Variants in CTNNA2 observed in about 807,000 individuals in gnomAD.
CTNNA2 encodes the protein catenin alpha-2.
In CTNNA2, 42 loss-of-function variants were observed where a neutral mutation model predicts 101.0. That is an observed-to-expected ratio of 0.42 (90% CI 0.32 to 0.54). The LOEUF (loss-of-function observed/expected upper bound fraction) is 0.54. Ranked by LOEUF, CTNNA2 falls within the 20% of genes least tolerant of loss-of-function variation. The pLI is 0.14. For missense variants in CTNNA2, 871 were observed against 1,223.1 expected, an observed-to-expected ratio of 0.71 and a Z score of 4.29; for synonymous variants, 450 against 456.4, an observed-to-expected ratio of 0.99 and a Z score of 0.18.
At chr2:79,532,173 C>G (rs750731856) in intron 1 of CTNNA2, among the ~76,000 whole-genome samples, 1 of 151,948 alleles carries the variant, frequency 6.6e-6, no homozygotes, top group Admixed American at 6.6e-5. Flanking sequence ...TTTTTAAAAA[C>G]AGTCAGGATT....
intron 2 of CTNNA2, among the ~76,000 whole-genome samples, chr2:79,696,619 C>G (rs543062201): frequency 6.6e-6 from 1 of 152,026 alleles, no homozygotes; most frequent in African/African-American, 2.4e-5. Context: ...CCAGCACTTA[C>G]AATCTCACAT....
At chr2:80,310,112 A>G (rs1677412860) in intron 7 of CTNNA2, among the ~76,000 whole-genome samples, 1 of 152,200 alleles carries the variant, frequency 6.6e-6, no homozygotes, top group Non-Finnish European at 1.5e-5. Flanking sequence ...ACCTGAAATA[A>G]AAACCCAGAT....
intron 7 of CTNNA2, among the ~76,000 whole-genome samples, chr2:80,135,692 T>TG (rs561171705): frequency 1.1e-4 from 17 of 152,276 alleles, no homozygotes; most frequent in Middle Eastern, 3.4e-3. Flanking sequence ...AGCTAAGTGC[T>TG]GGGAAGACAG....
chr2:80,410,283 G>A (rs917458776), intron 8 of CTNNA2, among the ~76,000 whole-genome samples: 2 of 152,134 alleles, frequency 1.3e-5, no homozygotes, highest in African/African-American at 2.4e-5. Flanking sequence ...ATTCTTTCAC[G>A]ACTGTGTGCT....
At chr2:80,629,230 A>G (rs1051939858) in intron 18 of CTNNA2, among the ~76,000 whole-genome samples, 3 of 152,184 alleles carry the variant, frequency 2.0e-5, no homozygotes, top group African/African-American at 7.2e-5. Context: ...ACATAACAGC[A>G]GTGAGCAACC....
At chr2:80,420,869 A>G (rs1680467444) in intron 9 of CTNNA2, among the ~76,000 whole-genome samples, 1 of 152,236 alleles carries the variant, frequency 6.6e-6, no homozygotes, top group Non-Finnish European at 1.5e-5. Context: ...GGAAGCTTTG[A>G]ACTTCCTGCT....
At chr2:79,487,421 T>TC (rs1279473174) in intron 4 of CTNNA2, among the ~76,000 whole-genome samples, 2 of 152,236 alleles carry the variant, frequency 1.3e-5, no homozygotes, top group Non-Finnish European at 2.9e-5. Context: ...GCTGGCTTGG[T>TC]CAACAGAGTG....
At chr2:80,513,145 T>C (rs745693114) in intron 9 of CTNNA2, among the ~76,000 whole-genome samples, 47 of 152,170 alleles carry the variant, frequency 3.1e-4, no homozygotes, top group Non-Finnish European at 4.0e-4. Flanking sequence ...GAAACTAGGT[T>C]CTACATGGTC....
intron 18 of CTNNA2, among the ~76,000 whole-genome samples, chr2:80,633,649 A>G (rs569998631): frequency 2.1e-4 from 32 of 152,200 alleles, no homozygotes; most frequent in Non-Finnish European, 4.4e-4. Flanking sequence ...GAATTTTATG[A>G]GCCTTCAAGT....
chr2:79,707,000 T>A (rs528297203), intron 2 of CTNNA2, among the ~76,000 whole-genome samples: 1 of 152,302 alleles, frequency 6.6e-6, no homozygotes, highest in African/African-American at 2.4e-5. Flanking sequence ...ATTTAACATA[T>A]GACCATGAAG....
intron 3 of CTNNA2, among the ~76,000 whole-genome samples, chr2:79,762,451 G>A (rs1199380742): frequency 6.6e-6 from 1 of 152,134 alleles, no homozygotes; most frequent in Non-Finnish European, 1.5e-5. Context: ...TCATGACATT[G>A]CGTAAAAGGT....
chr2:79,309,699 C>T (rs533843218), intron 2 of CTNNA2, among the ~76,000 whole-genome samples: 2 of 152,220 alleles, frequency 1.3e-5, no homozygotes, highest in African/African-American at 4.8e-5. Context: ...TCTCTGGCTC[C>T]TGATTTCTCT....
intron 4 of CTNNA2, among the ~76,000 whole-genome samples, chr2:79,423,568 A>G (rs1022465712): frequency 1.3e-5 from 2 of 152,212 alleles, no homozygotes; most frequent in Admixed American, 1.3e-4. Flanking sequence ...ATATATATGT[A>G]GATATAAAAA....
intron 2 of CTNNA2, among the ~76,000 whole-genome samples, chr2:79,660,117 A>T (rs776516209): frequency 6.6e-6 from 1 of 151,984 alleles, no homozygotes; most frequent in Non-Finnish European, 1.5e-5. Flanking sequence ...ATACATACAT[A>T]TTACATACAA....
intron 2 of CTNNA2, among the ~76,000 whole-genome samples, chr2:79,256,791 A>G (rs139484373): frequency 1.3e-5 from 2 of 152,300 alleles, no homozygotes; most frequent in Non-Finnish European, 1.5e-5. Flanking sequence ...TCTAAGCCCC[A>G]GTTTTCTCAT....
chr2:79,207,488 T>C (rs1674115129), intron 2 of CTNNA2, among the ~76,000 whole-genome samples: 1 of 152,186 alleles, frequency 6.6e-6, no homozygotes, highest in Admixed American at 6.5e-5. Context: ...GCAGCCACAG[T>C]GGGCCCTCAT....
chr2:80,272,509 A>C (rs904509735), intron 7 of CTNNA2, among the ~76,000 whole-genome samples: 8 of 152,216 alleles, frequency 5.3e-5, no homozygotes, highest in African/African-American at 1.9e-4. Flanking sequence ...ATTGGCTCTA[A>C]AGAACCTTCA....
chr2:80,403,997 T>A (rs1573958325), intron 8 of CTNNA2, among the ~76,000 whole-genome samples: 1 of 152,352 alleles, frequency 6.6e-6, no homozygotes, highest in East Asian at 1.9e-4. Flanking sequence ...AATGTGCTAC[T>A]GTGTTTGGTT....
intron 7 of CTNNA2, among the ~76,000 whole-genome samples, chr2:79,916,002 G>A (rs927445394): frequency 6.6e-6 from 1 of 152,176 alleles, no homozygotes; most frequent in African/African-American, 2.4e-5. Flanking sequence ...AAAAGACTGA[G>A]TAGCTCTTAT....
Sources: allele counts gnomAD v4.1 joint callset (sites outside exome capture counted in the v4.1 genomes callset), GRCh38; gene constraint gnomAD v4.1.1; transcripts MANE v1.5; gene names NCBI Gene and HGNC (gene_info 2026-07-23, HGNC 2026-07-21).